Variants in N4BP2L1 observed in about 807,000 individuals in gnomAD.
N4BP2L1 encodes NEDD4-binding protein 2-like 1.
Under a neutral mutation model 21.2 loss-of-function variants are expected in N4BP2L1, and 12 were observed. The ratio of observed to expected loss-of-function variants is 0.57; its 90% CI spans 0.36 to 0.92. N4BP2L1 has a LOEUF of 0.92. Among genes scored for constraint, N4BP2L1 ranks in the 40% least tolerant of loss-of-function variants. N4BP2L1 has a pLI of 0.01. For missense variants in N4BP2L1, 259 were observed against 310.6 expected (o/e 0.83, Z 1.25); for synonymous variants, 104 against 112.8 (o/e 0.92, Z 0.49).
At chr13:32,427,758 G>T in intron 1 of N4BP2L1, 146 bp downstream of exon 1, 2 of 340,518 alleles carry the variant, frequency 5.9e-6, no homozygotes, top group Non-Finnish European at 9.7e-6. Flanking sequence ...GCTCAGGCTT[G>T]GGCTGGGGCT....
At chr13:32,428,245 AG>A, upstream of N4BP2L1, 1 of 597,320 alleles carries the variant, frequency 1.7e-6, no homozygotes, top group Non-Finnish European at 2.5e-6. Flanking sequence ...GCTGCGTGGG[AG>A]GGGGCGTCCC....
At chr13:32,405,892 CTTTTTTTTTTTTT>C (rs754694153) in intron 3 of N4BP2L1, among the ~76,000 whole-genome samples, 1 of 101,190 alleles carries the variant, frequency 9.9e-6, no homozygotes, top group Non-Finnish European at 1.8e-5. Context: ...TTCCTGCCCC[CTTTTTTTTTTTTT>C]TTTTTTTTTT....
chr13:32,414,375 ATTAG>A (rs2074019044), intron 1 of N4BP2L1, among the ~76,000 whole-genome samples: 1 of 152,136 alleles, frequency 6.6e-6, no homozygotes, highest in Non-Finnish European at 1.5e-5. Flanking sequence ...TATCAGCAAT[ATTAG>A]TTTGTGTGTG....
chr13:32,405,545 CTGCT>C (rs34075550), intron 3 of N4BP2L1, among the ~76,000 whole-genome samples: 33,093 of 151,932 alleles, frequency 0.22, 3,821 homozygotes, highest in South Asian at 0.35. Flanking sequence ...TTCCCTTAGG[CTGCT>C]TGTCAGTTAG....
At position 32,402,336 on chromosome 13, in the gene N4BP2L1, A is replaced by G. The variant is rs981182377; in HGVS notation, c.*606T>C. On this transcript the variant is annotated 3_prime_UTR_variant, in exon 5 of 5. Coordinates refer to ENST00000380130, the MANE Select transcript of N4BP2L1 (RefSeq NM_052818.3). ...GGATTTGACAGCATTTTTAACAATG[A>G]TACATCATTAAAATAAAGAAATAAC... 3.5e-6 allele frequency: 2 copies of G among 569,998 alleles called. No individual in the cohort carries two copies. The highest frequency in any genetic ancestry group is 4.4e-6 in the Non-Finnish European group (2 of 451,032). 35.3% of individuals were successfully genotyped at this position (569,998 alleles called of 1,614,324 possible). A position where few individuals can be genotyped will look rare whatever the true frequency, so the allele number is the denominator to read the frequency against.
At chr13:32,413,090 AT>A in intron 1 of N4BP2L1, among the ~76,000 whole-genome samples, 1 of 151,824 alleles carries the variant, frequency 6.6e-6, no homozygotes, top group East Asian at 1.9e-4. Context: ...TGCCCAGCTA[AT>A]TTTTTTGTAT....
intron 4 of N4BP2L1, among the ~76,000 whole-genome samples, 166 bp from the exon 5 acceptor site, chr13:32,403,366 T>C (rs560953850): frequency 6.6e-6 from 1 of 152,212 alleles, no homozygotes; most frequent in South Asian, 2.1e-4. Flanking sequence ...CAGCCTCCAC[T>C]CATGTTTTTC....
intron 1 of N4BP2L1, chr13:32,416,377 C>G (rs559345925): frequency 1.3e-5 from 2 of 152,360 alleles, no homozygotes; most frequent in African/African-American, 4.8e-5. Flanking sequence ...CAGAGCCGCA[C>G]ACTAAACTGC....
intron 3 of N4BP2L1, among the ~76,000 whole-genome samples, chr13:32,405,465 G>A (rs746903060): frequency 1.4e-4 from 22 of 152,144 alleles, no homozygotes; most frequent in Non-Finnish European, 5.9e-5. Context: ...AGCTGAGATC[G>A]TGCCACTGCA....
In N4BP2L1 at chr13:32,428,128, G is replaced by A; in HGVS notation, c.-46C>T. ...AGAGCCCCGGGTTCCCTTTACTGAA[G>A]TCACGGTCTTGGCCAAAGCTGTTGT... is the stretch of plus-strand genomic sequence containing the variant. On this transcript the variant is annotated 5_prime_UTR_variant, in exon 1 of 5. Transcript: ENST00000380130. 1 of 1,420,518 alleles carries A rather than the reference G, an allele frequency of 7.0e-7. No individual in the cohort carries two copies. The highest frequency in any genetic ancestry group is 9.2e-7 in the Non-Finnish European group (1 of 1,082,242). The allele number at this position is 1,420,518 out of a possible 1,614,324, so 88.0% of individuals were successfully genotyped here. A position where few individuals can be genotyped will look rare whatever the true frequency, so the allele number is the denominator to read the frequency against.
In N4BP2L1 at chr13:32,402,439, A is replaced by T. The variant is rs755334097; in HGVS notation, c.*503T>A. On this transcript the variant is annotated 3_prime_UTR_variant, in exon 5 of 5. Transcript: ENST00000380130. ...GGCATATTAACATTAAAGGAAAATC[A>T]GTATCATAAGAGTCGCACATCTCAC... 2 of 955,930 alleles carry T rather than the reference A, an allele frequency of 2.1e-6. No individual in the cohort carries two copies. The highest frequency in any genetic ancestry group is 2.5e-6 in the Non-Finnish European group (2 of 803,066). 59.2% of individuals were successfully genotyped at this position (955,930 alleles called of 1,614,324 possible).
chr13:32,417,471 C>T (rs2074214812), intron 1 of N4BP2L1, among the ~76,000 whole-genome samples: 1 of 152,142 alleles, frequency 6.6e-6, no homozygotes, highest in African/African-American at 2.4e-5. Context: ...TTATAAGTTT[C>T]CTGAGGCCTC....
Position 32,404,301 on chromosome 13 carries a change from C to T in N4BP2L1, c.473+20G>A. The T allele has an allele frequency of 6.2e-7, 1 of 1,608,888 alleles. No homozygotes were observed. Among genetic ancestry groups the T allele is most frequent in the African/African-American group, 1.3e-5 (1 of 74,912 alleles). ...AAATAGCAGGATACATAATGAGGAA[C>T]TAGAAAAACAAAGAAGTACCTTGCT... On this transcript the variant is annotated intron_variant, in intron 4 of 4. Transcript: ENST00000380130.
At chr13:32,404,431 C>T in intron 3 of N4BP2L1, 34 bp from the exon 4 acceptor site, 3 of 1,453,468 alleles carry the variant, frequency 2.1e-6, no homozygotes, top group Non-Finnish European at 1.9e-6. Context: ...ACATTGAAGA[C>T]ATAGTATGTA....
At chr13:32,428,734 C>CA (rs538519014), upstream of N4BP2L1, among the ~76,000 whole-genome samples, 369 of 152,356 alleles carry the variant, frequency 2.4e-3, 2 homozygotes, top group African/African-American at 8.3e-3. Context: ...CCATAAAACT[C>CA]AGATTGATTT....
At chr13:32,411,650 T>A in intron 1 of N4BP2L1, 2 of 985,228 alleles carry the variant, frequency 2.0e-6, no homozygotes, top group Non-Finnish European at 2.4e-6. Context: ...AGAAAGATAA[T>A]TAATTCCATA....
At chr13:32,403,779 A>C (rs1267988521) in intron 4 of N4BP2L1, 1 of 534,824 alleles carries the variant, frequency 1.9e-6, no homozygotes, top group Admixed American at 2.0e-5. Context: ...CATAAGAGGA[A>C]CCAGCCTTAC....
chr13:32,413,780 T>A (rs552575228), intron 1 of N4BP2L1, among the ~76,000 whole-genome samples: 73 of 152,272 alleles, frequency 4.8e-4, no homozygotes, highest in Admixed American at 2.7e-3. Flanking sequence ...TTTGGTCTTC[T>A]TTCCAGGACT....
chr13:32,419,246 T>G (rs1242819932), intron 1 of N4BP2L1, among the ~76,000 whole-genome samples: 1 of 137,212 alleles, frequency 7.3e-6, no homozygotes, highest in Non-Finnish European at 1.6e-5. Context: ...TGGCTTTTTT[T>G]TTTTTTTTTT....
Sources: gnomAD v4.1 joint callset for allele counts (sites outside exome capture counted in the v4.1 genomes callset) on GRCh38, gnomAD v4.1.1 for gene constraint, MANE v1.5 for transcripts, NCBI Gene and HGNC (gene_info 2026-07-23, HGNC 2026-07-21) for gene names.